ZNF687: variants seen among roughly 807,000 people sequenced by gnomAD.
ZNF687 encodes the protein zinc finger protein 687.
A neutral mutation model predicts 71.8 loss-of-function variants in ZNF687; 13 were observed. The observed-to-expected ratio is 0.18, with a 90% CI of 0.12 to 0.29. ZNF687 has a LOEUF of 0.29. ZNF687 is among the 10% of genes least tolerant of loss of function. The pLI is 1.00. For missense variants in ZNF687, 1,412 were observed against 1,625.6 expected (o/e 0.87, Z 2.26); for synonymous variants, 673 against 641.6 (o/e 1.05, Z -0.74).
rs1200279275 is a variant in ZNF687, at chr1:151,284,118, C to G, written c.-18+1723C>G. 6 of 985,154 alleles carry G rather than the reference C, an allele frequency of 6.1e-6. No individual in the cohort carries two copies. In the African/African-American group the frequency reaches 8.8e-5, roughly 14 times the overall value. 61.0% of individuals were successfully genotyped at this position (985,154 alleles called of 1,614,324 possible). ...CCAGGTTGAGGCTAGGTGAAACTTC[C>G]TGGGCTACTGTTGCCACAGGAAAAT... On this transcript the variant is annotated intron_variant, in intron 1 of 8. Coordinates refer to ENST00000336715, the MANE Select transcript of ZNF687 (RefSeq NM_020832.3).
At position 151,291,690 on chromosome 1, in the gene ZNF687, C is replaced by T. The variant is rs895729747; in HGVS notation, c.*481C>T. ...CCCAACTCACTGGCACTCAAGCCCC[C>T]TACCCCTGCAGTGCCTTTCACTTCT... On this transcript the variant is annotated 3_prime_UTR_variant, in exon 9 of 9. Transcript: ENST00000336715. 2 of 153,486 alleles carry T rather than the reference C, an allele frequency of 1.3e-5. No homozygotes were observed. Among genetic ancestry groups the T allele is most frequent in the Non-Finnish European group, 2.9e-5 (2 of 69,122 alleles). 9.5% of individuals were successfully genotyped at this position (153,486 alleles called of 1,614,324 possible).
In ZNF687 at chr1:151,288,059, C is replaced by T. The variant is rs749060854; in HGVS notation, c.1768C>T (p.Leu590Phe). Residue 590 changes from leucine to phenylalanine, a missense_variant, in exon 2 of 9, where the codon CTC (leucine) becomes TTC (phenylalanine). By Grantham distance (22) the Leu-to-Phe change is conservative (BLOSUM62 0). This residue lies in a region of ZNF687 where 207 missense variants were observed against 239.2 expected (regional missense o/e 0.87). Transcript: ENST00000336715. ...TGCACGTGAACACAAGGACAAGGGG[C>T]TCGTCATGCAGTGCTCACATTTGGT... ...LHAREHKDKG[L>F]VMQCSHLVMR... 2 of 1,614,064 alleles carry T rather than the reference C, an allele frequency of 1.2e-6. No homozygotes were observed. Among genetic ancestry groups the T allele is most frequent in the South Asian group, 2.2e-5 (2 of 91,092 alleles).
rs1314121509 is a variant in ZNF687 at position 151,291,093 on chromosome 1, C to G, written c.3598C>G (p.Leu1200Val). ...DSPLPASGGPLTCKVCGKSCD... is the reference protein window; with the variant it reads ...DSPLPASGGPVTCKVCGKSCD... The stretch of plus-strand genomic sequence containing the variant: ...ACCCCTGCCTGCTTCTGGAGGCCCA[C>G]TGACCTGTAAGGTCTGTGGCAAGAG... Residue 1200 changes from leucine to valine, a missense_variant, in exon 9 of 9, where the codon CTG (leucine) becomes GTG (valine). Leu to Val is a conservative substitution (Grantham distance 32, BLOSUM62 1). Around this residue, in one of 8 missense-constraint regions of ZNF687, gnomAD observed 284 missense variants for 359.2 expected, o/e 0.79. Transcript: ENST00000336715. 2.5e-6 allele frequency: 4 copies of G among 1,613,692 alleles called. No homozygotes were observed. Among genetic ancestry groups the G allele is most frequent in the Non-Finnish European group, 3.4e-6 (4 of 1,180,024 alleles).
rs370655558 is a variant in ZNF687 at position 151,286,484 on chromosome 1, G to A, written c.193G>A (p.Val65Ile). 3 of 1,614,014 alleles carry A rather than the reference G, an allele frequency of 1.9e-6. No individual in the cohort carries two copies. Among genetic ancestry groups the A allele is most frequent in the African/African-American group, 1.3e-5 (1 of 74,956 alleles). ...AAASAGDGPG[V>I]PAQASDHGLP... ...AGCCTCTGCTGGGGATGGCCCTGGAGTTCCAGCCCAGGCCTCTGACCATGG... is the reference window on the plus strand; with the variant it reads ...AGCCTCTGCTGGGGATGGCCCTGGAATTCCAGCCCAGGCCTCTGACCATGG... Residue 65 changes from valine (V) to isoleucine (I), a missense_variant, in exon 2 of 9, where the codon GTT becomes ATT. By Grantham distance (29) the Val-to-Ile change is conservative. Transcript: ENST00000336715.
rs370819029 is a variant in ZNF687 at position 151,288,376 on chromosome 1, C to T, written c.2085C>T (p.Leu695=). Residue 695 remains leucine, a synonymous_variant, in exon 2 of 9, where the codon CTC becomes CTT. Transcript: ENST00000336715. The part of the protein sequence containing the change: ...KAGMAAHFQQ[L]GPPAPGATSN... ...GCATGGCAGCTCACTTCCAGCAGCT[C>T]GGCCCCCCTGCCCCTGGGGCCACCA... 1.2e-4 allele frequency: 196 copies of T among 1,607,168 alleles called. 1 individual carries two copies. In the East Asian group the frequency reaches 1.7e-3, roughly 14 times the overall value.
chr1:151,290,079 G>A (rs1694147584), intron 6 of ZNF687, 43 bp from the exon 7 acceptor site: 3 of 1,612,480 alleles, frequency 1.9e-6, no homozygotes. Context: ...AGTGGGGACG[G>A]GGTCCTGGAG....
At chr1:151,290,097 C>T in intron 6 of ZNF687, 25 bp from the exon 7 acceptor site, 1 of 1,613,540 alleles carries the variant, frequency 6.2e-7, no homozygotes, top group South Asian at 1.1e-5. Flanking sequence ...GAGCCTGGCT[C>T]TGACATCTAC....
intron 1 of ZNF687, among the ~76,000 whole-genome samples, chr1:151,282,901 C>A (rs1312702012): frequency 6.6e-6 from 1 of 152,212 alleles, no homozygotes; most frequent in Non-Finnish European, 1.5e-5. Context: ...GAGGAGGCTC[C>A]GCTGCGCCCG....
Position 151,291,377 on chromosome 1 carries a change from C to A in ZNF687, c.*168C>A. On this transcript the variant is annotated 3_prime_UTR_variant, in exon 9 of 9. Coordinates refer to ENST00000336715, the MANE Select transcript of ZNF687 (RefSeq NM_020832.3). The stretch of plus-strand genomic sequence containing the variant: ...TGAGGATTATTCTAGTTATTTGCAA[C>A]CTCCCTTTGGGTTTGGCCCTGGAGT... 1 of 982,480 alleles carries A rather than the reference C, an allele frequency of 1.0e-6. No homozygotes were observed. The highest frequency in any genetic ancestry group is 1.4e-6 in the Non-Finnish European group (1 of 690,546). 60.9% of individuals were successfully genotyped at this position (982,480 alleles called of 1,614,324 possible).
At chr1:151,284,480 C>T (rs1055826350) in intron 1 of ZNF687, among the ~76,000 whole-genome samples, 6 of 152,144 alleles carry the variant, frequency 3.9e-5, no homozygotes, top group African/African-American at 7.2e-5. Flanking sequence ...GTTCCTGTGT[C>T]TTATTCTTTC....
chr1:151,291,038 A>C lies in ZNF687; in HGVS notation c.3543A>C (p.Pro1181=). The change falls in exon 9 of 9, where the codon CCA becomes CCC. Residue 1181 remains proline (P), a synonymous_variant. Transcript: ENST00000336715. ...GLGDGEEEAP[P]SRSDPDGGDS... ...GGGATGGGGAGGAAGAGGCCCCTCC[A>C]TCAAGGTCTGACCCCGATGGTGGAG... is the stretch of plus-strand genomic sequence containing the variant. 6.2e-7 allele frequency: 1 copy of C among 1,613,856 alleles called. No homozygotes were observed. The highest frequency in any genetic ancestry group is 1.1e-5 in the South Asian group (1 of 91,086).
intron 1 of ZNF687, chr1:151,285,063 C>T (rs915780690): frequency 6.6e-6 from 1 of 152,184 alleles, no homozygotes; most frequent in South Asian, 2.1e-4. Context: ...ATGTGAGCCA[C>T]CACACCCGGC....
Position 151,290,110 on chromosome 1 carries a change from C to G in ZNF687, c.2965-12C>G, listed in dbSNP as rs771824409. The G allele has an allele frequency of 2.5e-6, 4 of 1,613,852 alleles. No individual in the cohort carries two copies. The highest frequency in any genetic ancestry group is 3.4e-6 in the Non-Finnish European group (4 of 1,179,960). On this transcript the variant is annotated splice_polypyrimidine_tract_variant and intron_variant, in intron 6 of 8. Transcript: ENST00000336715. ...TGGAGCCTGGCTCTGACATCTACCCCTGCTCTCCTAGTCAGTGAAAAAGTT... is the reference window on the plus strand; with the variant it reads ...TGGAGCCTGGCTCTGACATCTACCCGTGCTCTCCTAGTCAGTGAAAAAGTT...
In ZNF687 at chr1:151,291,309, T is replaced by C; in HGVS notation, c.*100T>C. The C allele has an allele frequency of 7.2e-7, 1 of 1,382,366 alleles. No individual in the cohort carries two copies. The highest frequency in any genetic ancestry group is 2.4e-5 in the East Asian group (1 of 41,726). The allele number at this position is 1,382,366 out of a possible 1,614,324, so 85.6% of individuals were successfully genotyped here. ...TGGGGAGTTTTCATTAACATTAATA[T>C]TTTGTTAATTCCTGTCTCTCCAACC... On this transcript the variant is annotated 3_prime_UTR_variant, in exon 9 of 9. Coordinates refer to ENST00000336715, the MANE Select transcript of ZNF687 (RefSeq NM_020832.3).
chr1:151,284,291 C>A (rs369612402), intron 1 of ZNF687: 3 of 984,000 alleles, frequency 3.0e-6, no homozygotes, highest in Non-Finnish European at 2.4e-6. Flanking sequence ...GTTTTAGCCT[C>A]GGGAAAGCAA....
chr1:151,286,527 TTTC>T lies in ZNF687; in HGVS notation c.238_240del (p.Ser80del). 6.8e-6 allele frequency: 11 copies of T among 1,614,188 alleles called. No individual in the cohort carries two copies. The highest frequency in any genetic ancestry group is 9.3e-6 in the Non-Finnish European group (11 of 1,180,046). ...GACCATGGCCTGCCACCGCCAGACA[TTTC>T]TGTAGTCAGTGTCATTGTCAAGAAC... On this transcript the variant is annotated inframe_deletion, in exon 2 of 9. Transcript: ENST00000336715.
chr1:151,291,009 CTGGGGGA>C lies in ZNF687; in HGVS notation c.3520_3526del (p.Asp1174ArgfsTer25). ...TGTGGGTAAAGCCAGTGCCCTGGGG[CTGGGGGA>C]TGGGGAGGAAGAGGCCCCTCCATCA... On this transcript the variant is annotated frameshift_variant, in exon 9 of 9. Transcript: ENST00000336715. LOFTEE classifies it high-confidence loss of function. The C allele has an allele frequency of 1.9e-6, 3 of 1,613,966 alleles. No individual in the cohort carries two copies. The highest frequency in any genetic ancestry group is 2.5e-6 in the Non-Finnish European group (3 of 1,180,010).
intron 1 of ZNF687, among the ~76,000 whole-genome samples, chr1:151,282,847 G>T (rs1419861110): frequency 6.6e-6 from 1 of 152,126 alleles, no homozygotes. Flanking sequence ...CGCACCCCCC[G>T]ATCAGTCTCC....
chr1:151,289,642 C>A, intron 5 of ZNF687, 36 bp from the exon 6 acceptor site: 1 of 1,595,310 alleles, frequency 6.3e-7, no homozygotes, highest in Non-Finnish European at 8.6e-7. Context: ...CCAGGCCCTC[C>A]CCCACAACAG....
Sources: gnomAD v4.1 joint callset for allele counts (sites outside exome capture counted in the v4.1 genomes callset) on GRCh38, gnomAD v4.1.1 for gene constraint, gnomAD v4.1.1 regional missense constraint, MANE v1.5 for transcripts, NCBI Gene and HGNC (gene_info 2026-07-23, HGNC 2026-07-21) for gene names.